Variants in NXPE4 observed in about 807,000 individuals in gnomAD.
NXPE4 encodes neurexophilin and PC-esterase domain family member 4.
In NXPE4, 42 loss-of-function variants were observed where a neutral mutation model predicts 33.3. The ratio of observed to expected loss-of-function variants is 1.26; its 90% CI spans 0.98 to 1.63. The LOEUF is 1.63. Ranked by LOEUF, NXPE4 falls within the 40% of genes most tolerant of loss-of-function variation. NXPE4 has a pLI of 0.00. For synonymous variants in NXPE4, 253 were observed against 234.9 expected (o/e 1.08, Z -0.71); for missense variants, 709 against 647.6 (o/e 1.09, Z -1.03).
the NXPE4 span, among the ~76,000 whole-genome samples, chr11:114,635,835 A>T: frequency 1.3e-5 from 2 of 152,152 alleles, no homozygotes; most frequent in East Asian, 1.9e-4. Flanking sequence ...ATGGTGGATA[A>T]GCTTTTTGAT....
chr11:114,620,298 G>A, the NXPE4 span, among the ~76,000 whole-genome samples: 7 of 151,480 alleles, frequency 4.6e-5, no homozygotes, highest in African/African-American at 4.9e-5. Context: ...GTAATGCCTC[G>A]TGGGTAACCA....
At chr11:114,647,808 T>A in the NXPE4 span, among the ~76,000 whole-genome samples, 1 of 152,016 alleles carries the variant, frequency 6.6e-6, no homozygotes, top group Non-Finnish European at 1.5e-5. Context: ...TTTAAGCGAT[T>A]CTCCTGCCTC....
chr11:114,591,795 A>T (rs1008222771), intron 2 of NXPE4, among the ~76,000 whole-genome samples: 3 of 152,088 alleles, frequency 2.0e-5, no homozygotes, highest in Non-Finnish European at 4.4e-5. Flanking sequence ...TGGCCTACAA[A>T]TCTGTAGGTG....
At chr11:114,618,789 C>T in the NXPE4 span, among the ~76,000 whole-genome samples, 6 of 152,098 alleles carry the variant, frequency 3.9e-5, no homozygotes, top group Middle Eastern at 3.4e-3. Flanking sequence ...AGTGTTGCCT[C>T]GTGGGAAACC....
chr11:114,627,798 G>A, the NXPE4 span, among the ~76,000 whole-genome samples: 1 of 151,720 alleles, frequency 6.6e-6, no homozygotes, highest in Non-Finnish European at 1.5e-5. Flanking sequence ...AGACACACAT[G>A]GGCTCAAAAT....
At chr11:114,633,155 GTATTT>G in the NXPE4 span, among the ~76,000 whole-genome samples, 1 of 110,718 alleles carries the variant, frequency 9.0e-6, no homozygotes, top group Admixed American at 1.0e-4. Flanking sequence ...TATATATTTG[GTATTT>G]TATTTTATAT....
intron 5 of NXPE4, among the ~76,000 whole-genome samples, chr11:114,577,898 A>G (rs1217641673): frequency 6.6e-6 from 1 of 152,180 alleles, no homozygotes; most frequent in African/African-American, 2.4e-5. Flanking sequence ...TATCTATAAT[A>G]ATAAGTATTA....
chr11:114,654,466 C>T, the NXPE4 span, among the ~76,000 whole-genome samples: 1 of 151,928 alleles, frequency 6.6e-6, no homozygotes, highest in Non-Finnish European at 1.5e-5. Flanking sequence ...TATGTGCCCT[C>T]CCCTCACCAC....
At chr11:114,623,511 A>ACACT in the NXPE4 span, among the ~76,000 whole-genome samples, 1 of 152,092 alleles carries the variant, frequency 6.6e-6, no homozygotes, top group Non-Finnish European at 1.5e-5. Context: ...GTGGATAATA[A>ACACT]GTATTCCCTC....
the NXPE4 span, among the ~76,000 whole-genome samples, chr11:114,666,203 C>T: frequency 1.3e-5 from 2 of 152,118 alleles, no homozygotes; most frequent in East Asian, 3.9e-4. Flanking sequence ...TTTTTGAAAG[C>T]TATATACCTT....
the NXPE4 span, among the ~76,000 whole-genome samples, chr11:114,609,973 G>C: frequency 2.0e-5 from 3 of 149,008 alleles, no homozygotes; most frequent in Admixed American, 1.3e-4. Context: ...GTGGATAATA[G>C]TTGTTGCCTC....
At position 114,582,840 on chromosome 11, in the gene NXPE4, G is replaced by T; in HGVS notation, c.278C>A (p.Thr93Asn). 2 of 1,614,214 alleles carry T rather than the reference G, an allele frequency of 1.2e-6. No individual in the cohort carries two copies. Among genetic ancestry groups the T allele is most frequent in the South Asian group, 1.1e-5 (1 of 91,086 alleles). Residue 93 changes from threonine to asparagine, a missense_variant, in exon 3 of 6, where the codon ACC (threonine) becomes AAC (asparagine). Coordinates refer to ENST00000375478, the MANE Select transcript of NXPE4 (RefSeq NM_001077639.2). ...IPPRPFTHVNTTTSATHSTAT... is the reference protein window; with the variant it reads ...IPPRPFTHVNNTTSATHSTAT... ...TGTGCTATGTGTGGCGCTGGTGGTG[G>T]TGTTCACGTGGGTGAAAGGTCTGGG... is the stretch of plus-strand genomic sequence containing the variant.
the NXPE4 span, among the ~76,000 whole-genome samples, chr11:114,602,281 T>G: frequency 1.7e-5 from 2 of 118,902 alleles, no homozygotes; most frequent in East Asian, 4.7e-4. Flanking sequence ...TTATACTATA[T>G]ATATGTTATC....
At chr11:114,607,534 C>T in the NXPE4 span, among the ~76,000 whole-genome samples, 1 of 151,738 alleles carries the variant, frequency 6.6e-6, no homozygotes, top group Non-Finnish European at 1.5e-5. Context: ...ACCACTGTTA[C>T]CCGGTAGATA....
chr11:114,570,884 G>T lies in NXPE4; in HGVS notation c.*54C>A. ...AAACACAGCATCTGGCCTGCTAGTA[G>T]ACAGTCAATAAATTTTTTTACTTAA... On this transcript the variant is annotated 3_prime_UTR_variant, in exon 6 of 6. Coordinates refer to ENST00000375478, the MANE Select transcript of NXPE4 (RefSeq NM_001077639.2). 1 of 1,281,328 alleles carries T rather than the reference G, an allele frequency of 7.8e-7. No individual in the cohort carries two copies. Among genetic ancestry groups the T allele is most frequent in the Non-Finnish European group, 1.1e-6 (1 of 928,392 alleles). The allele number at this position is 1,281,328 out of a possible 1,614,324, so 79.4% of individuals were successfully genotyped here.
chr11:114,653,486 G>A, the NXPE4 span, among the ~76,000 whole-genome samples: 2 of 148,160 alleles, frequency 1.3e-5, no homozygotes, highest in South Asian at 2.1e-4. Flanking sequence ...CTTGTACTCC[G>A]TATTTCATTA....
the NXPE4 span, among the ~76,000 whole-genome samples, chr11:114,663,433 A>C: frequency 6.6e-6 from 1 of 152,056 alleles, no homozygotes; most frequent in Non-Finnish European, 1.5e-5. Flanking sequence ...ATGTAAAATA[A>C]AATGGGGGTT....
Position 114,571,454 on chromosome 11 carries a change from C to G in NXPE4, c.1119G>C (p.Leu373=). The G allele has an allele frequency of 1.9e-6, 3 of 1,608,066 alleles. No homozygotes were observed. Among genetic ancestry groups the G allele is most frequent in the Non-Finnish European group, 2.6e-6 (3 of 1,175,520 alleles). ...ASINTLKSVD[L]HESGKLQHQL... Reference sequence around the variant, plus strand: ...GGTGTTGCAATTTTCCAGATTCATGCAGATCCACTGACTTCAGTGCTGATA... The same window carrying G: ...GGTGTTGCAATTTTCCAGATTCATGGAGATCCACTGACTTCAGTGCTGATA... The change falls in exon 6 of 6, where the codon CTG becomes CTC. Residue 373 remains leucine (L), a synonymous_variant. Coordinates refer to ENST00000375478, the MANE Select transcript of NXPE4 (RefSeq NM_001077639.2).
At chr11:114,658,168 G>A in the NXPE4 span, among the ~76,000 whole-genome samples, 1 of 152,100 alleles carries the variant, frequency 6.6e-6, no homozygotes, top group Admixed American at 6.5e-5. Flanking sequence ...TAGAAATTGA[G>A]GTCACAGGCC....
Sources: allele counts gnomAD v4.1 joint callset (sites outside exome capture counted in the v4.1 genomes callset), GRCh38; gene constraint gnomAD v4.1.1; transcripts MANE v1.5; gene names NCBI Gene and HGNC (gene_info 2026-07-23, HGNC 2026-07-21).